Variants in ENTREP2 observed in about 807,000 individuals in gnomAD.
The protein encoded by ENTREP2 is protein ENTREP2.
the ENTREP2 span, among the ~76,000 whole-genome samples, chr15:29,411,460 G>A: frequency 4.6e-5 from 7 of 152,132 alleles, no homozygotes; most frequent in Admixed American, 1.3e-4. Flanking sequence ...GTGTTGACAC[G>A]TTTATTGACC....
the ENTREP2 span, among the ~76,000 whole-genome samples, chr15:29,510,923 A>G: frequency 6.6e-6 from 1 of 152,172 alleles, no homozygotes; most frequent in African/African-American, 2.4e-5. Context: ...CATCGTTATC[A>G]ACAAACTAAC....
At chr15:29,381,695 C>T in the ENTREP2 span, 26 of 1,194,938 alleles carry the variant, frequency 2.2e-5, no homozygotes, top group South Asian at 1.1e-4. Context: ...GAATTCTCTT[C>T]GCCACTGCCT....
chr15:29,643,791 A>AG, the ENTREP2 span, among the ~76,000 whole-genome samples: 2 of 140,942 alleles, frequency 1.4e-5, no homozygotes, highest in East Asian at 2.1e-4. Context: ...AAAAAAAAAA[A>AG]AAAAAAAGAA....
the ENTREP2 span, among the ~76,000 whole-genome samples, chr15:29,131,491 A>G: frequency 6.8e-6 from 1 of 146,424 alleles, no homozygotes; most frequent in East Asian, 2.1e-4. Flanking sequence ...ATATCTGCCC[A>G]AATGATTTCA....
chr15:29,170,065 TG>T, the ENTREP2 span, among the ~76,000 whole-genome samples: 2 of 152,034 alleles, frequency 1.3e-5, no homozygotes, highest in African/African-American at 4.8e-5. Flanking sequence ...CCCAGCACTT[TG>T]GAGGGCCGAG....
the ENTREP2 span, chr15:29,267,228 G>A: frequency 6.6e-6 from 1 of 151,842 alleles, no homozygotes; most frequent in Non-Finnish European, 1.5e-5. Flanking sequence ...TTTTTTCCCC[G>A]AGTTAAAAAT....
the ENTREP2 span, among the ~76,000 whole-genome samples, chr15:29,519,314 A>AT: frequency 6.6e-6 from 1 of 151,718 alleles, no homozygotes; most frequent in Non-Finnish European, 1.5e-5. Context: ...TTATATGTGG[A>AT]TTTTTTTCCA....
At chr15:29,179,582 C>CT in the ENTREP2 span, among the ~76,000 whole-genome samples, 1,845 of 134,676 alleles carry the variant, frequency 0.014, 19 homozygotes, top group Non-Finnish European at 0.016. Context: ...CCGGAGTCGT[C>CT]TTTTTTTTTT....
chr15:29,300,331 G>C, the ENTREP2 span, among the ~76,000 whole-genome samples: 19,367 of 84,582 alleles, frequency 0.23, 2,650 homozygotes, highest in African/African-American at 0.45. Context: ...TGGATGGATG[G>C]ATGATGGATG....
the ENTREP2 span, among the ~76,000 whole-genome samples, chr15:29,435,660 A>G: frequency 7.9e-5 from 12 of 152,036 alleles, no homozygotes; most frequent in East Asian, 9.7e-4. Flanking sequence ...GTTGCTGCAT[A>G]TATATATACA....
the ENTREP2 span, among the ~76,000 whole-genome samples, chr15:29,543,550 T>C: frequency 0.43 from 65,961 of 151,682 alleles, 15,115 homozygotes; most frequent in African/African-American, 0.6. Flanking sequence ...GGAGCTGAGG[T>C]AGGTGGATCA....
chr15:29,205,671 T>C, the ENTREP2 span, among the ~76,000 whole-genome samples: 70 of 152,220 alleles, frequency 4.6e-4, no homozygotes, highest in Admixed American at 4.6e-4. Flanking sequence ...TTGGGTTGTT[T>C]GTGTTCTTGT....
the ENTREP2 span, among the ~76,000 whole-genome samples, chr15:29,644,605 C>A: frequency 6.6e-6 from 1 of 151,924 alleles, no homozygotes; most frequent in East Asian, 1.9e-4. Context: ...GAGTTTAAGA[C>A]CAGCCTGGGC....
chr15:29,309,103 T>C, the ENTREP2 span, among the ~76,000 whole-genome samples: 3 of 152,174 alleles, frequency 2.0e-5, no homozygotes, highest in East Asian at 5.8e-4. Flanking sequence ...TATTAATCTG[T>C]CTTGTGTCAA....
chr15:29,163,294 T>C, the ENTREP2 span, among the ~76,000 whole-genome samples: 3 of 152,194 alleles, frequency 2.0e-5, no homozygotes, highest in East Asian at 5.8e-4. Context: ...TTACCAGCAA[T>C]GGATCCAACC....
At chr15:29,552,545 G>A in the ENTREP2 span, among the ~76,000 whole-genome samples, 1 of 151,788 alleles carries the variant, frequency 6.6e-6, no homozygotes, top group Non-Finnish European at 1.5e-5. Context: ...GCCAGCCTGG[G>A]CAACATAACA....
the ENTREP2 span, among the ~76,000 whole-genome samples, chr15:29,220,386 T>C: frequency 6.6e-6 from 1 of 152,234 alleles, no homozygotes; most frequent in Non-Finnish European, 1.5e-5. Flanking sequence ...TTTTTGGCTC[T>C]GCATTGCATT....
At chr15:29,477,433 C>G in the ENTREP2 span, among the ~76,000 whole-genome samples, 3 of 151,928 alleles carry the variant, frequency 2.0e-5, no homozygotes, top group African/African-American at 7.3e-5. Context: ...AAAATAAGGG[C>G]TGAGGAGAGA....
At chr15:29,545,595 G>T in the ENTREP2 span, among the ~76,000 whole-genome samples, 5 of 152,116 alleles carry the variant, frequency 3.3e-5, no homozygotes, top group Non-Finnish European at 7.4e-5. Flanking sequence ...CTTAGTGGAG[G>T]GTAGGCTTTA....
Sources: gnomAD v4.1 joint callset for allele counts (sites outside exome capture counted in the v4.1 genomes callset) on GRCh38, gnomAD v4.1.1 for gene constraint, MANE v1.5 for transcripts, NCBI Gene and HGNC (gene_info 2026-07-23, HGNC 2026-07-21) for gene names.